BMPR1B: variants seen among roughly 807,000 people sequenced by gnomAD.
BMPR1B encodes the protein bone morphogenetic protein receptor type 1B.
A neutral mutation model predicts 59.1 loss-of-function variants in BMPR1B; 12 were observed. The observed-to-expected ratio is 0.20, with a 90% CI of 0.13 to 0.33. BMPR1B has a LOEUF of 0.33. BMPR1B is among the 10% of genes least tolerant of loss of function. BMPR1B has a pLI of 1.00. For synonymous variants in BMPR1B, 237 were observed against 207.3 expected (o/e 1.14, Z -1.23); for missense variants, 550 against 610.9 (o/e 0.90, Z 1.05).
intron 2 of BMPR1B, among the ~76,000 whole-genome samples, chr4:94,884,038 C>G (rs527404432): frequency 2.0e-5 from 3 of 152,168 alleles, no homozygotes; most frequent in African/African-American, 7.2e-5. Context: ...GTATAACTTA[C>G]AGCCTGCTAA....
intron 1 of BMPR1B, among the ~76,000 whole-genome samples, chr4:94,812,032 C>G (rs1723837285): frequency 6.6e-6 from 1 of 152,112 alleles, no homozygotes. Flanking sequence ...ATGATAGAAA[C>G]AATATCTAGA....
chr4:94,854,379 C>T (rs1725675581), intron 1 of BMPR1B, among the ~76,000 whole-genome samples: 1 of 151,982 alleles, frequency 6.6e-6, no homozygotes, highest in South Asian at 2.1e-4. Flanking sequence ...TATGTAGCAC[C>T]ACTATGAACA....
At chr4:94,831,058 A>G (rs1724566970) in intron 1 of BMPR1B, among the ~76,000 whole-genome samples, 1 of 152,180 alleles carries the variant, frequency 6.6e-6, no homozygotes, top group South Asian at 2.1e-4. Flanking sequence ...GAGGCATTCC[A>G]GAAGAAGACA....
At chr4:94,791,953 G>A (rs1424522258) in intron 1 of BMPR1B, among the ~76,000 whole-genome samples, 1 of 151,348 alleles carries the variant, frequency 6.6e-6, no homozygotes, top group Non-Finnish European at 1.5e-5. Flanking sequence ...TTCTTCCTTT[G>A]ATCAGTGGCC....
Position 94,970,281 on chromosome 4 carries a change from CT to C in BMPR1B, c.-112-25757del, listed in dbSNP as rs1560573069. The stretch of plus-strand genomic sequence containing the variant: ...CTTCTCTTCTCTTCTCTTCTCTTCT[CT>C]TCTCTTCTCTTCTCTTCTCTTCTTT... On this transcript the variant is annotated intron_variant, in intron 2 of 12. Transcript: ENST00000515059. Among the ~76,000 whole-genome samples the C allele has an allele frequency of 1.9e-3, 216 of 112,674 alleles. 1 individual carries two copies. In the South Asian group the frequency reaches 0.028, roughly 14 times the overall value. 73.9% of individuals were successfully genotyped at this position (112,674 alleles called of 152,430 possible).
intron 1 of BMPR1B, among the ~76,000 whole-genome samples, chr4:94,799,236 G>T (rs1055013223): frequency 6.7e-6 from 1 of 149,890 alleles, no homozygotes; most frequent in Non-Finnish European, 1.5e-5. Context: ...GCCGGGCTGC[G>T]TAGAATTCAC....
chr4:94,773,805 A>G (rs1282217685), intron 1 of BMPR1B, among the ~76,000 whole-genome samples: 1 of 151,688 alleles, frequency 6.6e-6, no homozygotes, highest in Non-Finnish European at 1.5e-5. Context: ...TTTGACTCCC[A>G]CAGGAAGTCT....
In BMPR1B at chr4:95,158,317, C is replaced by A. The variant is rs1442014205; in HGVS notation, c.*3644C>A. The A allele has an allele frequency of 6.6e-6, 1 of 152,080 alleles. No individual in the cohort carries two copies. The highest frequency in any genetic ancestry group is 1.5e-5 in the Non-Finnish European group (1 of 68,018). The allele number at this position is 152,080 out of a possible 1,614,324, so 9.4% of individuals were successfully genotyped here. On this transcript the variant is annotated 3_prime_UTR_variant, in exon 13 of 13. Coordinates refer to ENST00000515059, the MANE Select transcript of BMPR1B (RefSeq NM_001203.3). ...TTCTTTTGGGGGAACCAGTGCCTTA[C>A]AGATTTTGTATATACTGTAATTATT...
intron 2 of BMPR1B, among the ~76,000 whole-genome samples, chr4:94,958,827 G>T (rs1446396727): frequency 6.6e-6 from 1 of 152,074 alleles, no homozygotes; most frequent in South Asian, 2.1e-4. Flanking sequence ...GAAATAAGAG[G>T]ACTCAGGCTG....
intron 2 of BMPR1B, among the ~76,000 whole-genome samples, chr4:94,921,234 G>A (rs1728675240): frequency 6.6e-6 from 1 of 152,088 alleles, no homozygotes; most frequent in Admixed American, 6.6e-5. Flanking sequence ...TGCACTGTTA[G>A]CTTGGCTAAT....
chr4:94,789,958 G>A (rs1488883346), intron 1 of BMPR1B, among the ~76,000 whole-genome samples: 2 of 152,060 alleles, frequency 1.3e-5, no homozygotes, highest in African/African-American at 2.4e-5. Flanking sequence ...AAGACGATGA[G>A]GATGAAGACC....
rs114380091 is a variant in BMPR1B, at chr4:94,980,757, C to T, written c.-112-15283C>T. Among the ~76,000 whole-genome samples, 548 of 152,224 alleles carry T rather than the reference C, an allele frequency of 3.6e-3. 1 individual carries two copies. Among genetic ancestry groups the T allele is most frequent in the Non-Finnish European group, 6.5e-3 (440 of 68,006 alleles). ...GGAAAAATTAGTGAATGAATGAATACAAATCATTGTCAAATCAAAGTTTGT... is the reference window on the plus strand; with the variant it reads ...GGAAAAATTAGTGAATGAATGAATATAAATCATTGTCAAATCAAAGTTTGT... On this transcript the variant is annotated intron_variant, in intron 2 of 12. Transcript: ENST00000515059.
chr4:95,041,191 C>T (rs1030804101), intron 3 of BMPR1B, among the ~76,000 whole-genome samples: 3 of 152,074 alleles, frequency 2.0e-5, no homozygotes, highest in African/African-American at 4.8e-5. Flanking sequence ...GGAATACAGT[C>T]GTGCACCACC....
intron 2 of BMPR1B, among the ~76,000 whole-genome samples, chr4:94,877,465 G>T (rs1726775424): frequency 6.6e-6 from 1 of 152,240 alleles, no homozygotes; most frequent in Non-Finnish European, 1.5e-5. Flanking sequence ...TTTCCTGTTA[G>T]TGAACTGAAG....
chr4:94,858,666 A>G (rs186304290), intron 1 of BMPR1B, among the ~76,000 whole-genome samples: 27 of 152,336 alleles, frequency 1.8e-4, no homozygotes, highest in Non-Finnish European at 3.1e-4. Context: ...TGTTTTAATC[A>G]AAGTTTGAAT....
At chr4:94,876,500 G>A (rs555334389) in intron 2 of BMPR1B, among the ~76,000 whole-genome samples, 5 of 152,250 alleles carry the variant, frequency 3.3e-5, no homozygotes, top group East Asian at 1.9e-4. Context: ...ATGCTATTAC[G>A]AATGCTTTAA....
chr4:94,874,510 A>G (rs568113663), intron 1 of BMPR1B, among the ~76,000 whole-genome samples: 16 of 152,254 alleles, frequency 1.1e-4, no homozygotes, highest in African/African-American at 3.4e-4. Flanking sequence ...ATAGAAAAAT[A>G]TATTTTATAT....
At chr4:95,130,158 G>A (rs1382520151) in intron 9 of BMPR1B, 104 bp downstream of exon 9, 3 of 1,380,468 alleles carry the variant, frequency 2.2e-6, no homozygotes, top group African/African-American at 1.4e-5. Flanking sequence ...GTTGCGAAAT[G>A]TATTGAAGTT....
intron 2 of BMPR1B, among the ~76,000 whole-genome samples, chr4:94,990,738 C>G (rs1333906582): frequency 2.0e-5 from 3 of 152,092 alleles, no homozygotes; most frequent in Non-Finnish European, 4.4e-5. Flanking sequence ...TACATGTGCA[C>G]AGCATGCAGG....
Sources: allele counts gnomAD v4.1 joint callset (sites outside exome capture counted in the v4.1 genomes callset), GRCh38; gene constraint gnomAD v4.1.1; transcripts MANE v1.5; gene names NCBI Gene and HGNC (gene_info 2026-07-23, HGNC 2026-07-21).